The following CMPK1 variants were observed in gnomAD, a reference collection of about 807,000 sequenced individuals.
CMPK1 encodes the protein UMP-CMP kinase.
In CMPK1, 10 loss-of-function variants were observed where a neutral mutation model predicts 25.7. The observed-to-expected ratio is 0.39, with a 90% CI of 0.24 to 0.66. CMPK1 has a LOEUF of 0.66. Ranked by LOEUF, CMPK1 falls within the 30% of genes least tolerant of loss-of-function variation. CMPK1 has a pLI of 0.48. For missense variants in CMPK1, 199 were observed against 280.5 expected (o/e 0.71, Z 2.08); for synonymous variants, 106 against 101.5 (o/e 1.04, Z -0.27).
At chr1:47,350,943 A>AT (rs1646518650) in intron 1 of CMPK1, among the ~76,000 whole-genome samples, 1 of 151,692 alleles carries the variant, frequency 6.6e-6, no homozygotes, top group Non-Finnish European at 1.5e-5. Context: ...GAAAATACAG[A>AT]TCCCCCACCC....
intron 1 of CMPK1, among the ~76,000 whole-genome samples, chr1:47,364,298 GTTTGT>G (rs1236893818): frequency 2.0e-5 from 3 of 151,764 alleles, no homozygotes; most frequent in East Asian, 1.9e-4. Context: ...TTTTTTGTTT[GTTTGT>G]TTTGTTTTGG....
In CMPK1 at chr1:47,356,437, A is replaced by G. The variant is rs568974759; in HGVS notation, c.172-12032A>G. Among the ~76,000 whole-genome samples, 9 of 152,254 alleles carry G rather than the reference A, an allele frequency of 5.9e-5. No homozygotes were observed. The South Asian group carries it at 1.9e-3, about 32-fold the overall frequency. On this transcript the variant is annotated intron_variant, in intron 1 of 5. Coordinates refer to ENST00000371873, the MANE Select transcript of CMPK1 (RefSeq NM_016308.3). ...TATAAAATCTTATGTCACAAAAGGGACAAGTCCTCATTTGTAGTTATTAAT... is the reference window on the plus strand; with the variant it reads ...TATAAAATCTTATGTCACAAAAGGGGCAAGTCCTCATTTGTAGTTATTAAT...
intron 2 of CMPK1, among the ~76,000 whole-genome samples, chr1:47,369,387 A>AAAGCG (rs1380171002): frequency 6.6e-6 from 1 of 152,192 alleles, no homozygotes; most frequent in Admixed American, 6.6e-5. Flanking sequence ...ACCTGGGAAG[A>AAAGCG]AAGCGGACAG....
chr1:47,371,785 CAT>C (rs1292008039), intron 2 of CMPK1, among the ~76,000 whole-genome samples: 1 of 152,188 alleles, frequency 6.6e-6, no homozygotes, highest in Non-Finnish European at 1.5e-5. Flanking sequence ...GAATTCCAGA[CAT>C]ATATTTTTAA....
At chr1:47,360,683 A>T (rs1268484985) in intron 1 of CMPK1, among the ~76,000 whole-genome samples, 1 of 152,124 alleles carries the variant, frequency 6.6e-6, no homozygotes, top group African/African-American at 2.4e-5. Context: ...TGTTAATATA[A>T]CCCTTTTCCT....
intron 1 of CMPK1, among the ~76,000 whole-genome samples, chr1:47,361,476 A>G (rs182458534): frequency 8.9e-4 from 136 of 152,312 alleles, no homozygotes; most frequent in African/African-American, 3.0e-3. Flanking sequence ...TTTGTGTGCA[A>G]CCTCTATAAA....
intron 3 of CMPK1, chr1:47,373,457 G>C (rs1355321842): frequency 6.3e-6 from 1 of 158,176 alleles, no homozygotes; most frequent in East Asian, 1.8e-4. Context: ...TTGTTTACTG[G>C]AAGAGAAACA....
chr1:47,375,209 C>T lies in CMPK1; in HGVS notation c.561C>T (p.Tyr187=). 6.2e-7 allele frequency: 1 copy of T among 1,609,414 alleles called. No homozygotes were observed. The highest frequency in any genetic ancestry group is 8.5e-7 in the Non-Finnish European group (1 of 1,177,926). The change falls in exon 5 of 6, where the codon TAC becomes TAT. Residue 187 remains tyrosine, a synonymous_variant. Transcript: ENST00000371873. ...RESLEKRIQT[Y]LQSTKPIIDL... is the part of the protein sequence containing the mutation. Reference sequence around the variant, plus strand: ...ACTTCTTTTGCAGAATTCAGACCTACCTTCAGTCAACAAAGCCAATTATTG... The same window carrying T: ...ACTTCTTTTGCAGAATTCAGACCTATCTTCAGTCAACAAAGCCAATTATTG...
chr1:47,336,302 C>G (rs563067105), intron 1 of CMPK1, among the ~76,000 whole-genome samples: 1 of 152,210 alleles, frequency 6.6e-6, no homozygotes, highest in South Asian at 2.1e-4. Context: ...TTTACTGTTT[C>G]TCTAGGCCCA....
At chr1:47,370,119 G>C in intron 2 of CMPK1, among the ~76,000 whole-genome samples, 1 of 148,914 alleles carries the variant, frequency 6.7e-6, no homozygotes, top group East Asian at 2.1e-4. Context: ...GGGTTTCACC[G>C]TGTTAGCCAG....
At chr1:47,370,813 T>C (rs1375049189) in intron 2 of CMPK1, among the ~76,000 whole-genome samples, 3 of 147,228 alleles carry the variant, frequency 2.0e-5, no homozygotes, top group African/African-American at 7.4e-5. Context: ...TAGTCGGCCG[T>C]GGTGGCAGGC....
chr1:47,374,876 C>G (rs1331883830), intron 3 of CMPK1, 33 bp from the exon 4 acceptor site: 3 of 1,513,022 alleles, frequency 2.0e-6, no homozygotes, highest in African/African-American at 2.8e-5. Flanking sequence ...AAATTCATAT[C>G]TATATTTTTA....
chr1:47,355,707 A>G (rs781081195), intron 1 of CMPK1, among the ~76,000 whole-genome samples: 1 of 150,480 alleles, frequency 6.6e-6, no homozygotes, highest in African/African-American at 2.5e-5. Flanking sequence ...CCCGAGTTCA[A>G]ATGATTCTCA....
chr1:47,337,908 G>T (rs1295947388), intron 1 of CMPK1, among the ~76,000 whole-genome samples: 1 of 152,106 alleles, frequency 6.6e-6, no homozygotes, highest in African/African-American at 2.4e-5. Context: ...ACTGTGCCCG[G>T]CCTGGAATAT....
At chr1:47,343,051 A>C (rs1360089389) in intron 1 of CMPK1, among the ~76,000 whole-genome samples, 1 of 147,090 alleles carries the variant, frequency 6.8e-6, no homozygotes, top group Non-Finnish European at 1.5e-5. Context: ...CAATGGCGTG[A>C]TCTCTGCTCA....
intron 1 of CMPK1, among the ~76,000 whole-genome samples, chr1:47,367,752 A>G (rs537506932): frequency 1.3e-5 from 2 of 152,150 alleles, no homozygotes; most frequent in East Asian, 3.9e-4. Context: ...TGGAAGAAGA[A>G]GCTTTTCTTT....
chr1:47,335,063 G>A (rs1646386393), intron 1 of CMPK1, among the ~76,000 whole-genome samples: 2 of 152,156 alleles, frequency 1.3e-5, no homozygotes, highest in Admixed American at 6.6e-5. Flanking sequence ...GAATGCTTGG[G>A]AAAGAAGGAA....
intron 1 of CMPK1, among the ~76,000 whole-genome samples, chr1:47,344,883 C>A (rs1646471267): frequency 6.6e-6 from 1 of 151,732 alleles, no homozygotes; most frequent in South Asian, 2.1e-4. Flanking sequence ...GGGACCCTGT[C>A]TTTTCCCTCT....
intron 1 of CMPK1, among the ~76,000 whole-genome samples, chr1:47,342,790 C>T (rs1247532060): frequency 6.6e-6 from 1 of 151,340 alleles, no homozygotes; most frequent in East Asian, 1.9e-4. Flanking sequence ...GCTGGGATTA[C>T]AGGCACTTGC....
Sources: gnomAD v4.1 joint callset for allele counts (sites outside exome capture counted in the v4.1 genomes callset) on GRCh38, gnomAD v4.1.1 for gene constraint, MANE v1.5 for transcripts, NCBI Gene and HGNC (gene_info 2026-07-23, HGNC 2026-07-21) for gene names.